The following COL23A1 variants were observed in gnomAD, a reference collection of about 807,000 sequenced individuals.
The protein encoded by COL23A1 is collagen type XXIII alpha 1 chain, also known as collagen alpha-1(XXIII) chain.
Under a neutral mutation model 99.3 loss-of-function variants are expected in COL23A1, and 97 were observed. The ratio of observed to expected loss-of-function variants is 0.98; its 90% CI spans 0.83 to 1.16. The LOEUF is 1.16. Among genes scored for constraint, COL23A1 ranks in the 50% most tolerant of loss-of-function variants. COL23A1 has a pLI of 0.00. For synonymous variants in COL23A1, 320 were observed against 308.2 expected (o/e 1.04, Z -0.40); for missense variants, 762 against 757.4 (o/e 1.01, Z -0.07).
rs1389593159 is a variant in COL23A1 at position 178,428,946 on chromosome 5, G to A, written c.362-122027C>T. ...CCGCACACAGACAGGCAGGCCCTCCGTGAGTGTCCTGAGACCCTACCACAC... is the reference window on the plus strand; with the variant it reads ...CCGCACACAGACAGGCAGGCCCTCCATGAGTGTCCTGAGACCCTACCACAC... On this transcript the variant is annotated intron_variant, in intron 2 of 28. Coordinates refer to ENST00000390654, the MANE Select transcript of COL23A1 (RefSeq NM_173465.4). This position sits in a 1 kb window ranked among gnomAD's most constrained non-coding sequence, Gnocchi z 5.0. 3.4e-5 allele frequency among the ~76,000 whole-genome samples: 5 copies of A among 146,700 alleles called. No individual in the cohort carries two copies. The highest frequency in any genetic ancestry group is 1.3e-4 in the Admixed American group (2 of 14,912).
chr5:178,437,556 A>G (rs1766627615), intron 2 of COL23A1, among the ~76,000 whole-genome samples: 1 of 152,156 alleles, frequency 6.6e-6, no homozygotes, highest in African/African-American at 2.4e-5. Flanking sequence ...CCCAGCCGCT[A>G]TCTGCCCAGC....
intron 2 of COL23A1, among the ~76,000 whole-genome samples, chr5:178,489,711 G>C (rs1050313077): frequency 6.6e-6 from 1 of 152,138 alleles, no homozygotes; most frequent in African/African-American, 2.4e-5. Context: ...CTGCAGCAAG[G>C]TCTCTGACCC....
rs76275346 is a variant in COL23A1 at position 178,464,000 on chromosome 5, G to A, written c.361+96682C>T. 6.1e-3 allele frequency among the ~76,000 whole-genome samples: 936 copies of A among 152,252 alleles called. 13 individuals are homozygous for A. The highest frequency in any genetic ancestry group is 0.021 in the African/African-American group (893 of 41,542). ...ACAGGCTCATGGGGAGAAATCTGCC[G>A]CCTCCCCAACACCAGTTGGCAGGAG... On this transcript the variant is annotated intron_variant, in intron 2 of 28. Coordinates refer to ENST00000390654, the MANE Select transcript of COL23A1 (RefSeq NM_173465.4).
chr5:178,485,274 C>A (rs1399681537), intron 2 of COL23A1, among the ~76,000 whole-genome samples: 1 of 151,024 alleles, frequency 6.6e-6, no homozygotes, highest in East Asian at 2.0e-4. Flanking sequence ...GAGTTCGAGA[C>A]CAGCCTGGCC....
chr5:178,438,781 T>C (rs1180116686), intron 2 of COL23A1: 1 of 152,084 alleles, frequency 6.6e-6, no homozygotes, highest in African/African-American at 2.4e-5. Context: ...TTTTAGGAAA[T>C]GCTAGCATTA....
intron 2 of COL23A1, among the ~76,000 whole-genome samples, chr5:178,474,266 G>T (rs781291045): frequency 3.4e-4 from 51 of 152,140 alleles, no homozygotes; most frequent in Non-Finnish European, 6.8e-4. Context: ...TGATTTTAAG[G>T]GTTATCCCGC....
At position 178,242,112 on chromosome 5, in the gene COL23A1, G is replaced by T; in HGVS notation, c.1511C>A (p.Pro504His). 1 of 1,553,198 alleles carries T rather than the reference G, an allele frequency of 6.4e-7. No homozygotes were observed. The highest frequency in any genetic ancestry group is 8.7e-7 in the Non-Finnish European group (1 of 1,148,016). ...ERGEKGERGV[P>H]GRKGVKGQKG... The stretch of plus-strand genomic sequence containing the variant: ...CTGGCCCTTCACTCCTTTCCGGCCG[G>T]GGACCCCTCGTTCTCCCTGTGCAGG... The change falls in exon 27 of 29, where the codon CCC becomes CAC. Residue 504 changes from proline to histidine, a missense_variant. By Grantham distance (77) the Pro-to-His change is moderately conservative. Coordinates refer to ENST00000390654, the MANE Select transcript of COL23A1 (RefSeq NM_173465.4).
intron 2 of COL23A1, among the ~76,000 whole-genome samples, chr5:178,354,332 G>A (rs897193593): frequency 6.6e-6 from 1 of 151,996 alleles, no homozygotes; most frequent in Non-Finnish European, 1.5e-5. Context: ...CCTCAGCCTC[G>A]AAAATAGCTG....
Position 178,505,256 on chromosome 5 carries a change from C to CTT in COL23A1, c.361+55424_361+55425dup, listed in dbSNP as rs34377422. ...TGTGTGTGTCTAAATTTCCCTTTTTCTTTTTTTTTTTGAGACAGAGTCTTG... is the reference window on the plus strand; with the variant it reads ...TGTGTGTGTCTAAATTTCCCTTTTTCTTTTTTTTTTTTTGAGACAGAGTCTTG... On this transcript the variant is annotated intron_variant, in intron 2 of 28. Transcript: ENST00000390654. Among the ~76,000 whole-genome samples the CTT allele has an allele frequency of 1.2e-3, 174 of 147,688 alleles. 1 individual carries two copies. The highest frequency in any genetic ancestry group is 2.2e-3 in the South Asian group (10 of 4,650).
intron 2 of COL23A1, among the ~76,000 whole-genome samples, chr5:178,474,667 T>A (rs975874867): frequency 2.6e-5 from 4 of 152,222 alleles, no homozygotes; most frequent in African/African-American, 4.8e-5. Flanking sequence ...ATTCACTCAG[T>A]ACATTTTTAT....
rs535802800 is a variant in COL23A1, at chr5:178,293,636, G to A, written c.407-3267C>T. On this transcript the variant is annotated intron_variant, in intron 3 of 28. Coordinates refer to ENST00000390654, the MANE Select transcript of COL23A1 (RefSeq NM_173465.4). Reference sequence around the variant, plus strand: ...TGGAGGGGACTGGGTTCAGTCTGGGGTGGGGCTTTTGCTGAGTAAGAATGA... The same window carrying A: ...TGGAGGGGACTGGGTTCAGTCTGGGATGGGGCTTTTGCTGAGTAAGAATGA... 3.3e-5 allele frequency among the ~76,000 whole-genome samples: 5 copies of A among 151,848 alleles called. No homozygotes were observed. The South Asian group carries it at 1.0e-3, about 32-fold the overall frequency.
intron 2 of COL23A1, among the ~76,000 whole-genome samples, chr5:178,551,650 T>TC (rs1262903961): frequency 1.3e-5 from 2 of 152,172 alleles, no homozygotes; most frequent in East Asian, 3.9e-4. Context: ...CTATCAATTC[T>TC]CATGGCCATT....
At chr5:178,303,093 T>C (rs997693170) in intron 3 of COL23A1, among the ~76,000 whole-genome samples, 4 of 152,166 alleles carry the variant, frequency 2.6e-5, no homozygotes, top group Admixed American at 2.0e-4. Flanking sequence ...CTCTGCCTCC[T>C]GGGTTCAAGC....
chr5:178,516,089 CTCCACGGCACCCTGGGCGT>C (rs1759491996), intron 2 of COL23A1, among the ~76,000 whole-genome samples: 2 of 152,204 alleles, frequency 1.3e-5, no homozygotes, highest in Non-Finnish European at 2.9e-5. Context: ...GAACCAAATA[CTCCACGGCACCCTGGGCGT>C]TCCACCTGCC....
chr5:178,485,472 T>A (rs184082665), intron 2 of COL23A1, among the ~76,000 whole-genome samples: 2 of 136,178 alleles, frequency 1.5e-5, no homozygotes, highest in African/African-American at 2.8e-5. Context: ...TGAGACCCTG[T>A]CTCAAAAAAA....
chr5:178,302,042 GCA>G (rs1427118687), intron 3 of COL23A1, among the ~76,000 whole-genome samples: 37 of 138,878 alleles, frequency 2.7e-4, no homozygotes, highest in African/African-American at 2.2e-4. Flanking sequence ...GTGTGCTGGA[GCA>G]CGGCTTCAAT....
intron 2 of COL23A1, among the ~76,000 whole-genome samples, chr5:178,346,480 C>T (rs1173141094): frequency 6.6e-6 from 1 of 152,158 alleles, no homozygotes; most frequent in Non-Finnish European, 1.5e-5. Context: ...AGGTGATCCA[C>T]CCGCCTTGGT....
In COL23A1 at chr5:178,255,645, A is replaced by G. The variant is rs1359693028; in HGVS notation, c.883-619T>C. 4 of 222,614 alleles carry G rather than the reference A, an allele frequency of 1.8e-5. No homozygotes were observed. The highest frequency in any genetic ancestry group is 2.8e-5 in the Non-Finnish European group (3 of 106,146). The allele number at this position is 222,614 out of a possible 1,614,324, so 13.8% of individuals were successfully genotyped here. On this transcript the variant is annotated intron_variant, in intron 15 of 28. Transcript: ENST00000390654. The surrounding 1 kb of genome is among the most constrained non-coding windows in gnomAD (Gnocchi z 4.2). ...TGAAGGCTGGGGAGCACTTTGGTCC[A>G]GACCCGAGCCTATCCCTTGTGCAGG...
At position 178,310,934 on chromosome 5, in the gene COL23A1, G is replaced by A. The variant is rs1758635942; in HGVS notation, c.362-4015C>T. Among the ~76,000 whole-genome samples, 1 of 152,134 alleles carries A rather than the reference G, an allele frequency of 6.6e-6. No homozygotes were observed. Among genetic ancestry groups the A allele is most frequent in the Non-Finnish European group, 1.5e-5 (1 of 68,036 alleles). On this transcript the variant is annotated intron_variant, in intron 2 of 28. Transcript: ENST00000390654. The surrounding 1 kb of genome is among the most constrained non-coding windows in gnomAD (Gnocchi z 4.3). ...AAGGCACTGGGAGTCTGTCTTGATT[G>A]ATCTGCTCATGTGGAGAAGGGGAAA...
Sources: allele counts gnomAD v4.1 joint callset (sites outside exome capture counted in the v4.1 genomes callset), GRCh38; gene constraint gnomAD v4.1.1; non-coding constraint Gnocchi (gnomAD v3.1); transcripts MANE v1.5; gene names NCBI Gene and HGNC (gene_info 2026-07-23, HGNC 2026-07-21).